Variants in PTPRD observed in about 807,000 individuals in gnomAD.
PTPRD encodes protein tyrosine phosphatase receptor type D.
A neutral mutation model predicts 214.5 loss-of-function variants in PTPRD; 34 were observed. That is an observed-to-expected ratio of 0.16 (90% CI 0.12 to 0.21). PTPRD has a LOEUF of 0.21. Ranked by LOEUF, PTPRD falls within the 10% of genes least tolerant of loss-of-function variation. The pLI, the probability that PTPRD is intolerant of heterozygous loss-of-function variation, is 1.00. For synonymous variants in PTPRD, 1,128 were observed against 845.7 expected (o/e 1.33, Z -5.79); for missense variants, 2,545 against 2,398.7 (o/e 1.06, Z -1.27).
At chr9:9,646,068 T>C (rs1247204249) in intron 7 of PTPRD, among the ~76,000 whole-genome samples, 2 of 152,352 alleles carry the variant, frequency 1.3e-5, no homozygotes, top group South Asian at 4.1e-4. Flanking sequence ...TTGTATTTAA[T>C]ACACATTTAC....
intron 35 of PTPRD, among the ~76,000 whole-genome samples, chr9:8,431,206 G>A (rs1045757468): frequency 3.3e-5 from 5 of 152,084 alleles, no homozygotes; most frequent in African/African-American, 1.2e-4. Flanking sequence ...AACATGACTG[G>A]CAAGTACAAC....
At chr9:8,723,687 AC>A (rs1449930210) in intron 12 of PTPRD, among the ~76,000 whole-genome samples, 2 of 152,182 alleles carry the variant, frequency 1.3e-5, no homozygotes, top group African/African-American at 4.8e-5. Flanking sequence ...GGTTTAAATG[AC>A]TTTTAGTGAC....
At chr9:10,159,894 T>G (rs1185194377) in intron 3 of PTPRD, among the ~76,000 whole-genome samples, 1 of 152,040 alleles carries the variant, frequency 6.6e-6, no homozygotes, top group Non-Finnish European at 1.5e-5. Context: ...CGAGAATTAT[T>G]GGTGTTCAAA....
chr9:8,651,221 C>T (rs1469035111), intron 12 of PTPRD, among the ~76,000 whole-genome samples: 1 of 152,108 alleles, frequency 6.6e-6, no homozygotes, highest in Non-Finnish European at 1.5e-5. Context: ...TTGCTAACCA[C>T]GATGGATCTC....
At chr9:8,791,579 G>A (rs553429233) in intron 11 of PTPRD, among the ~76,000 whole-genome samples, 3 of 132,978 alleles carry the variant, frequency 2.3e-5, no homozygotes, top group Admixed American at 1.7e-4. Context: ...CCAGGCTATA[G>A]TGCAGTGGGG....
chr9:8,820,671 G>C (rs1174121040), intron 11 of PTPRD, among the ~76,000 whole-genome samples: 2 of 151,852 alleles, frequency 1.3e-5, no homozygotes, highest in Non-Finnish European at 2.9e-5. Context: ...TGTATTTAAA[G>C]AAATCAATTT....
chr9:8,948,493 T>TTA lies in PTPRD; in HGVS notation c.-104+70202_-104+70203dup, dbSNP rs1219587496. 8.1e-4 allele frequency among the ~76,000 whole-genome samples: 39 copies of TTA among 48,406 alleles called. 1 individual carries two copies. The highest frequency in any genetic ancestry group is 1.6e-3 in the African/African-American group (18 of 10,982). The allele number at this position is 48,406 out of a possible 152,430, so 31.8% of individuals were successfully genotyped here. A position where few individuals can be genotyped will look rare whatever the true frequency, so the allele number is the denominator to read the frequency against. The stretch of plus-strand genomic sequence containing the variant: ...CATATATATATATTTATATATATAT[T>TTA]TATATATATATTTATATATATATAT... On this transcript the variant is annotated intron_variant, in intron 11 of 45. Transcript: ENST00000381196.
At chr9:10,132,005 G>A (rs1298226549) in intron 3 of PTPRD, among the ~76,000 whole-genome samples, 1 of 151,998 alleles carries the variant, frequency 6.6e-6, no homozygotes, top group African/African-American at 2.4e-5. Context: ...CACACCATTC[G>A]GTTAGCTATT....
At chr9:9,463,719 C>A (rs1268340287) in intron 8 of PTPRD, among the ~76,000 whole-genome samples, 1 of 151,888 alleles carries the variant, frequency 6.6e-6, no homozygotes, top group African/African-American at 2.4e-5. Context: ...GGGCATTGGG[C>A]TTCTAGTGTA....
chr9:8,330,004 C>G (rs1403731710), intron 44 of PTPRD, among the ~76,000 whole-genome samples: 1 of 151,900 alleles, frequency 6.6e-6, no homozygotes, highest in East Asian at 1.9e-4. Flanking sequence ...ACACACCAAG[C>G]CAGGCACTGG....
intron 2 of PTPRD, among the ~76,000 whole-genome samples, chr9:10,446,919 T>C (rs569032031): frequency 1.3e-5 from 2 of 152,286 alleles, no homozygotes; most frequent in African/African-American, 4.8e-5. Flanking sequence ...ATGCAGAATA[T>C]GTACAAGCAA....
Position 9,538,517 on chromosome 9 carries a change from C to A in PTPRD, c.-237+36215G>T, listed in dbSNP as rs563704083. On this transcript the variant is annotated intron_variant, in intron 8 of 45. Coordinates refer to ENST00000381196, the MANE Select transcript of PTPRD (RefSeq NM_002839.4). ...CGTCTTTAAAATGGCATGAGTCAGT[C>A]TGCCATCCTTTGATTGATCAAAACT... Among the ~76,000 whole-genome samples the A allele has an allele frequency of 4.1e-4, 63 of 151,988 alleles. 1 individual carries two copies. The highest frequency in any genetic ancestry group is 7.8e-4 in the Non-Finnish European group (53 of 67,924).
At chr9:10,114,940 T>C (rs2098718704) in intron 3 of PTPRD, among the ~76,000 whole-genome samples, 1 of 151,750 alleles carries the variant, frequency 6.6e-6, no homozygotes, top group South Asian at 2.1e-4. Flanking sequence ...TGGTCTGCTA[T>C]TACCACTGTG....
intron 4 of PTPRD, among the ~76,000 whole-genome samples, chr9:9,947,363 TTA>T (rs1239966287): frequency 0.014 from 615 of 42,588 alleles, 8 homozygotes; most frequent in East Asian, 0.073. Flanking sequence ...ATTATATATA[TTA>T]TATATATATT....
intron 9 of PTPRD, among the ~76,000 whole-genome samples, chr9:9,274,819 T>A (rs1944336826): frequency 6.7e-6 from 1 of 149,788 alleles, no homozygotes; most frequent in South Asian, 2.1e-4. Flanking sequence ...CATCTCTCAG[T>A]CCACAGAACA....
At chr9:8,941,978 G>C (rs926217104) in intron 11 of PTPRD, among the ~76,000 whole-genome samples, 1 of 152,036 alleles carries the variant, frequency 6.6e-6, no homozygotes, top group Non-Finnish European at 1.5e-5. Context: ...GCTAATTTTT[G>C]TATTTTTACT....
chr9:9,283,024 T>G (rs1009927375), intron 9 of PTPRD, among the ~76,000 whole-genome samples: 1 of 151,448 alleles, frequency 6.6e-6, no homozygotes, highest in Non-Finnish European at 1.5e-5. Flanking sequence ...GAGGTCAGAA[T>G]TAATGGAGTG....
At chr9:10,368,847 T>G (rs2097561167) in intron 2 of PTPRD, among the ~76,000 whole-genome samples, 1 of 152,122 alleles carries the variant, frequency 6.6e-6, no homozygotes, top group South Asian at 2.1e-4. Context: ...TAGAAGGACC[T>G]TTCATCAACA....
At chr9:9,611,490 G>A (rs924450934) in intron 7 of PTPRD, among the ~76,000 whole-genome samples, 8 of 151,878 alleles carry the variant, frequency 5.3e-5, no homozygotes, top group African/African-American at 1.9e-4. Flanking sequence ...TCTTTAATTG[G>A]AAATACTGTT....
Sources: gnomAD v4.1 joint callset for allele counts (sites outside exome capture counted in the v4.1 genomes callset) on GRCh38, gnomAD v4.1.1 for gene constraint, MANE v1.5 for transcripts, NCBI Gene and HGNC (gene_info 2026-07-23, HGNC 2026-07-21) for gene names.